WDR7: variants seen among roughly 807,000 people sequenced by gnomAD.
WDR7 encodes the protein WD repeat-containing protein 7.
A neutral mutation model predicts 169.4 loss-of-function variants in WDR7; 46 were observed. The observed-to-expected ratio is 0.27, with a 90% confidence interval of 0.21 to 0.35. WDR7 has a LOEUF of 0.35. WDR7 is among the 10% of genes least tolerant of loss of function. The pLI is 1.00. For missense variants in WDR7, 1,534 were observed against 1,859.3 expected (o/e 0.83, Z 3.22); for synonymous variants, 612 against 666.8 (o/e 0.92, Z 1.27).
chr18:56,923,772 A>G lies in WDR7; in HGVS notation c.3527-150A>G, dbSNP rs916423042. The G allele has an allele frequency of 2.1e-5, 15 of 699,036 alleles. No individual in the cohort carries two copies. The South Asian group carries it at 4.5e-4, about 21-fold the overall frequency. 43.3% of individuals were successfully genotyped at this position (699,036 alleles called of 1,614,324 possible). A position where few individuals can be genotyped will look rare whatever the true frequency, so the allele number is the denominator to read the frequency against. ...TTCAAAGAATGTGGCTGAGCAAACC[A>G]TTTATCCAAGATCTTGTGTAGTCTT... On this transcript the variant is annotated intron_variant, in intron 21 of 27. Transcript: ENST00000254442.
chr18:56,839,689 C>T (rs984456623), intron 20 of WDR7, among the ~76,000 whole-genome samples: 1 of 152,058 alleles, frequency 6.6e-6, no homozygotes, highest in African/African-American at 2.4e-5. Flanking sequence ...GTATTTATGG[C>T]TTATAATTAG....
chr18:56,771,571 C>A (rs1599031244), intron 16 of WDR7, among the ~76,000 whole-genome samples: 1 of 147,668 alleles, frequency 6.8e-6, no homozygotes, highest in Non-Finnish European at 1.5e-5. Flanking sequence ...TCCCCCACCC[C>A]CCCCCAAAAA....
intron 1 of WDR7, among the ~76,000 whole-genome samples, chr18:56,671,347 G>A (rs1412803023): frequency 1.3e-5 from 2 of 149,102 alleles, no homozygotes; most frequent in East Asian, 3.9e-4. Context: ...GGAGTGCAAT[G>A]GTGCGATCTT....
intron 26 of WDR7, among the ~76,000 whole-genome samples, chr18:57,012,274 G>A (rs1026237218): frequency 1.3e-5 from 2 of 152,158 alleles, no homozygotes; most frequent in African/African-American, 2.4e-5. Flanking sequence ...CTGGGAAAAT[G>A]GGCTTCCTAT....
intron 22 of WDR7, among the ~76,000 whole-genome samples, chr18:56,932,864 C>T (rs1395859782): frequency 7.1e-6 from 1 of 141,454 alleles, no homozygotes; most frequent in Non-Finnish European, 1.5e-5. Context: ...GATTGTATCT[C>T]TTCATTCTGG....
intron 7 of WDR7, among the ~76,000 whole-genome samples, chr18:56,689,480 G>A (rs930071814): frequency 6.6e-6 from 1 of 152,150 alleles, no homozygotes; most frequent in Admixed American, 6.5e-5. Context: ...GGCTGGTCTT[G>A]AACTCCTGGC....
intron 19 of WDR7, among the ~76,000 whole-genome samples, chr18:56,805,007 A>G (rs967741): frequency 0.15 from 23,454 of 152,086 alleles, 2,602 homozygotes; most frequent in African/African-American, 0.32. Context: ...TGGACCCTGG[A>G]AGACCAATTG....
intron 25 of WDR7, among the ~76,000 whole-genome samples, chr18:56,940,780 C>T (rs1386097723): frequency 6.6e-6 from 1 of 152,166 alleles, no homozygotes; most frequent in East Asian, 1.9e-4. Flanking sequence ...GCACCAGCCA[C>T]TGGCATGTAA....
intron 19 of WDR7, among the ~76,000 whole-genome samples, chr18:56,794,126 G>T (rs1347517525): frequency 1.3e-5 from 2 of 151,840 alleles, no homozygotes; most frequent in Non-Finnish European, 2.9e-5. Context: ...CGTAGAGAAA[G>T]GTGGAGAGTA....
rs150762112 is a variant in WDR7 at position 56,893,250 on chromosome 18, T to A, written c.3526+13085T>A. On this transcript the variant is annotated intron_variant, in intron 21 of 27. Coordinates refer to ENST00000254442, the MANE Select transcript of WDR7 (RefSeq NM_015285.3). ...TCCTAATTTTTAAATAAACTTGGCC[T>A]GTAGTTTTCTGACAGTCCTGCAGAG... is the stretch of plus-strand genomic sequence containing the variant. 2.4e-3 allele frequency among the ~76,000 whole-genome samples: 359 copies of A among 152,158 alleles called. 2 individuals carry two copies. The highest frequency in any genetic ancestry group is 8.1e-3 in the African/African-American group (337 of 41,542).
intron 9 of WDR7, among the ~76,000 whole-genome samples, chr18:56,693,744 G>A (rs1239840501): frequency 6.6e-6 from 1 of 151,470 alleles, no homozygotes; most frequent in Non-Finnish European, 1.5e-5. Flanking sequence ...GCTAATTTTT[G>A]TATTTTTATT....
At chr18:56,703,204 G>A (rs537331603) in intron 12 of WDR7, among the ~76,000 whole-genome samples, 1 of 152,166 alleles carries the variant, frequency 6.6e-6, no homozygotes, top group African/African-American at 2.4e-5. Context: ...TAGATTCCCG[G>A]CTCCTAGAAA....
chr18:56,721,047 A>C (rs2026309050), intron 13 of WDR7, among the ~76,000 whole-genome samples: 2 of 151,924 alleles, frequency 1.3e-5, no homozygotes, highest in African/African-American at 2.4e-5. Context: ...TTATTTATTT[A>C]TTAAATAAAT....
intron 7 of WDR7, among the ~76,000 whole-genome samples, chr18:56,689,140 T>A (rs949379124): frequency 6.6e-6 from 1 of 152,226 alleles, no homozygotes; most frequent in African/African-American, 2.4e-5. Flanking sequence ...GAGATAGTAC[T>A]ACAACCCACC....
At chr18:56,724,303 C>A (rs920076630) in intron 13 of WDR7, among the ~76,000 whole-genome samples, 1 of 150,754 alleles carries the variant, frequency 6.6e-6, no homozygotes, top group Non-Finnish European at 1.5e-5. Flanking sequence ...TCTCTGCCTC[C>A]CAGGTTCAAG....
chr18:56,997,492 A>G (rs1177703149), intron 26 of WDR7, among the ~76,000 whole-genome samples: 5 of 152,192 alleles, frequency 3.3e-5, no homozygotes, highest in African/African-American at 1.2e-4. Flanking sequence ...AGTGAAATAC[A>G]GAGTTATGCT....
chr18:56,937,503 C>T (rs1284298858), intron 23 of WDR7, among the ~76,000 whole-genome samples: 7 of 152,112 alleles, frequency 4.6e-5, no homozygotes, highest in Admixed American at 1.3e-4. Context: ...ACCTCTACCC[C>T]GTTTCTATGC....
At chr18:56,734,885 CAT>C (rs2026666275) in intron 14 of WDR7, among the ~76,000 whole-genome samples, 1 of 152,008 alleles carries the variant, frequency 6.6e-6, no homozygotes, top group African/African-American at 2.4e-5. Context: ...TATAACTACA[CAT>C]AGAGTATGGT....
At chr18:57,008,738 A>G (rs1188585525) in intron 26 of WDR7, among the ~76,000 whole-genome samples, 3 of 152,248 alleles carry the variant, frequency 2.0e-5, no homozygotes, top group East Asian at 1.9e-4. Context: ...GCACATCTCT[A>G]TTACGCTGTT....
Sources: gnomAD v4.1 joint callset for allele counts (sites outside exome capture counted in the v4.1 genomes callset) on GRCh38, gnomAD v4.1.1 for gene constraint, MANE v1.5 for transcripts, NCBI Gene and HGNC (gene_info 2026-07-23, HGNC 2026-07-21) for gene names.